RPS6KA5: variants seen among roughly 807,000 people sequenced by gnomAD.
RPS6KA5 encodes the protein ribosomal protein S6 kinase alpha-5.
A neutral mutation model predicts 85.5 loss-of-function variants in RPS6KA5; 27 were observed. The observed-to-expected ratio is 0.32, with a 90% CI of 0.23 to 0.44. RPS6KA5 has a LOEUF of 0.44. RPS6KA5 is among the 20% of genes least tolerant of loss of function. The probability of loss-of-function intolerance (pLI) is 1.00; values close to 1 mark genes in which losing one functional copy is unlikely to be tolerated. For missense variants in RPS6KA5, 811 were observed against 980.9 expected (o/e 0.83, Z 2.31); for synonymous variants, 334 against 348.2 (o/e 0.96, Z 0.46).
intron 3 of RPS6KA5, among the ~76,000 whole-genome samples, chr14:90,952,945 G>T (rs1051912003): frequency 6.6e-6 from 1 of 152,178 alleles, no homozygotes; most frequent in Non-Finnish European, 1.5e-5. Flanking sequence ...TTAAGTCTAT[G>T]GGGAGCTCCA....
rs570437044 is a variant in RPS6KA5, at chr14:90,959,402, G to A, written c.395-11852C>T. 8.9e-4 allele frequency among the ~76,000 whole-genome samples: 136 copies of A among 152,280 alleles called. 1 individual carries two copies. Among genetic ancestry groups the A allele is most frequent in the African/African-American group, 3.2e-3 (135 of 41,556 alleles). ...GGCTACTGTATTGAGAATAGAAAGG[G>A]TAGAAGTAGGGAGATCACTCGCAAT... On this transcript the variant is annotated intron_variant, in intron 3 of 16. Coordinates refer to ENST00000614987, the MANE Select transcript of RPS6KA5 (RefSeq NM_004755.4).
At chr14:91,047,222 C>T (rs1013217869) in intron 1 of RPS6KA5, among the ~76,000 whole-genome samples, 9 of 152,072 alleles carry the variant, frequency 5.9e-5, no homozygotes, top group Non-Finnish European at 1.5e-5. Flanking sequence ...TTAATTAAAC[C>T]ATAAGAAAAT....
In RPS6KA5 at chr14:90,856,845, GA is replaced by G; in HGVS notation, c.*15228del. 1 of 165,614 alleles carries G rather than the reference GA, an allele frequency of 6.0e-6. No homozygotes were observed. The highest frequency in any genetic ancestry group is 1.3e-5 in the Non-Finnish European group (1 of 77,644). 10.3% of individuals were successfully genotyped at this position (165,614 alleles called of 1,614,324 possible). ...CTATTTCCCCCTCCCACCAGCCCCTGAAAAACACTAATCTTTCTGTCTCTAT... is the reference window on the plus strand; with the variant it reads ...CTATTTCCCCCTCCCACCAGCCCCTGAAAACACTAATCTTTCTGTCTCTAT... On this transcript the variant is annotated 3_prime_UTR_variant, in exon 17 of 17. Coordinates refer to ENST00000614987, the MANE Select transcript of RPS6KA5 (RefSeq NM_004755.4).
At chr14:91,044,263 GAGAGAGAGAGAAAGAAA>G (rs2042719297) in intron 1 of RPS6KA5, among the ~76,000 whole-genome samples, 2 of 12,634 alleles carry the variant, frequency 1.6e-4, no homozygotes, top group African/African-American at 2.3e-4. Context: ...GAGAGAGAGG[GAGAGAGAGAGAAAGAAA>G]GAGAGAGAGA....
intron 5 of RPS6KA5, among the ~76,000 whole-genome samples, chr14:90,933,904 C>T (rs1264215034): frequency 6.6e-6 from 1 of 152,214 alleles, no homozygotes; most frequent in Admixed American, 6.5e-5. Flanking sequence ...GCTGATCCCT[C>T]TACCTAGAAA....
intron 1 of RPS6KA5, among the ~76,000 whole-genome samples, chr14:91,037,506 C>T (rs1420874352): frequency 6.6e-6 from 1 of 152,222 alleles, no homozygotes; most frequent in African/African-American, 2.4e-5. Flanking sequence ...TGTCCCCTCA[C>T]CAGTGCATTC....
chr14:91,058,249 C>A (rs1022870573), intron 1 of RPS6KA5, among the ~76,000 whole-genome samples: 10 of 152,338 alleles, frequency 6.6e-5, no homozygotes, highest in African/African-American at 2.4e-4. Context: ...TTTCCTTTGA[C>A]AGTTAACAGT....
At chr14:91,059,803 TG>T (rs202183903) in intron 1 of RPS6KA5, among the ~76,000 whole-genome samples, 276 of 152,352 alleles carry the variant, frequency 1.8e-3, no homozygotes, top group East Asian at 4.6e-3. Flanking sequence ...GTCTCTAGAC[TG>T]GACTCGGTAA....
chr14:90,947,081 T>C (rs1322183331), intron 4 of RPS6KA5, among the ~76,000 whole-genome samples: 1 of 152,236 alleles, frequency 6.6e-6, no homozygotes, highest in Non-Finnish European at 1.5e-5. Flanking sequence ...TGCAATGCAG[T>C]AAATTACAAT....
chr14:90,971,194 G>A (rs756593117), intron 3 of RPS6KA5, among the ~76,000 whole-genome samples: 7 of 152,090 alleles, frequency 4.6e-5, no homozygotes, highest in African/African-American at 7.2e-5. Flanking sequence ...GCACATGCCT[G>A]TAAACCCAGC....
intron 7 of RPS6KA5, among the ~76,000 whole-genome samples, 182 bp from the exon 8 acceptor site, chr14:90,906,481 T>C (rs1273675136): frequency 6.6e-6 from 1 of 152,166 alleles, no homozygotes; most frequent in Non-Finnish European, 1.5e-5. Context: ...AAGTCAAATT[T>C]CTGAAACTCA....
intron 8 of RPS6KA5, among the ~76,000 whole-genome samples, chr14:90,903,792 CAATT>C (rs1476970938): frequency 3.9e-5 from 6 of 152,082 alleles, no homozygotes; most frequent in Non-Finnish European, 5.9e-5. Context: ...GTAAGATACA[CAATT>C]ATTTTATGTA....
Position 90,890,710 on chromosome 14 carries a change from C to T in RPS6KA5, c.1645-32G>A, listed in dbSNP as rs754334746. On this transcript the variant is annotated intron_variant, in intron 13 of 16. Coordinates refer to ENST00000614987, the MANE Select transcript of RPS6KA5 (RefSeq NM_004755.4). ...GATATCAATGCTTACATTAGTTTCT[C>T]ACTAGGCATGTCTTGGGAATTGCTG... The T allele has an allele frequency of 1.5e-5, 24 of 1,566,806 alleles. No homozygotes were observed. In the East Asian group the frequency reaches 4.7e-4, roughly 31 times the overall value.
intron 14 of RPS6KA5, among the ~76,000 whole-genome samples, chr14:90,876,677 G>C (rs2033499688): frequency 6.6e-6 from 1 of 152,196 alleles, no homozygotes; most frequent in Middle Eastern, 3.2e-3. Flanking sequence ...GTATGGACCA[G>C]AGAGGACCAA....
chr14:91,016,000 A>G (rs1461697749), intron 1 of RPS6KA5, among the ~76,000 whole-genome samples: 5 of 152,176 alleles, frequency 3.3e-5, no homozygotes, highest in Non-Finnish European at 4.4e-5. Context: ...GTAGAAGAAA[A>G]AAGTCCAGGG....
rs2032390979 is a variant in RPS6KA5 at position 90,858,525 on chromosome 14, A to G, written c.*13549T>C. On this transcript the variant is annotated 3_prime_UTR_variant, in exon 17 of 17. Coordinates refer to ENST00000614987, the MANE Select transcript of RPS6KA5 (RefSeq NM_004755.4). Reference sequence around the variant, plus strand: ...TTCTGAAGTCAATATACTAGAGCTAAACGAAAGTAATAATAAAAGCGAGAG... The same window carrying G: ...TTCTGAAGTCAATATACTAGAGCTAGACGAAAGTAATAATAAAAGCGAGAG... 6.6e-6 allele frequency: 1 copy of G among 152,336 alleles called. No individual in the cohort carries two copies. Among genetic ancestry groups the G allele is most frequent in the East Asian group, 1.9e-4 (1 of 5,186 alleles). 9.4% of individuals were successfully genotyped at this position (152,336 alleles called of 1,614,324 possible).
intron 3 of RPS6KA5, among the ~76,000 whole-genome samples, chr14:90,956,276 G>C (rs1259346103): frequency 5.3e-5 from 8 of 151,964 alleles, no homozygotes; most frequent in Admixed American, 4.6e-4. Flanking sequence ...TTTATCATTA[G>C]GAAGTGTCCT....
At chr14:91,033,774 C>T (rs1467867874) in intron 1 of RPS6KA5, among the ~76,000 whole-genome samples, 1 of 151,876 alleles carries the variant, frequency 6.6e-6, no homozygotes, top group Admixed American at 6.6e-5. Context: ...AACTTGTAGG[C>T]ATGTATCTGA....
chr14:90,929,367 T>C (rs1016454649), intron 5 of RPS6KA5, among the ~76,000 whole-genome samples: 10 of 152,272 alleles, frequency 6.6e-5, no homozygotes, highest in South Asian at 2.1e-4. Flanking sequence ...TTCTTTTTAA[T>C]GTAGTCATCT....
Sources: allele counts gnomAD v4.1 joint callset (sites outside exome capture counted in the v4.1 genomes callset), GRCh38; gene constraint gnomAD v4.1.1; transcripts MANE v1.5; gene names NCBI Gene and HGNC (gene_info 2026-07-23, HGNC 2026-07-21).